The following AGBL1 variants were observed in gnomAD, a reference collection of about 807,000 sequenced individuals.
The protein encoded by AGBL1 is AGBL carboxypeptidase 1.
In AGBL1, 130 loss-of-function variants were observed where a neutral mutation model predicts 118.9. The observed-to-expected ratio is 1.09, with a 90% CI of 0.95 to 1.26. The LOEUF is 1.26. Among genes scored for constraint, AGBL1 ranks in the 50% most tolerant of loss-of-function variants. The probability of loss-of-function intolerance (pLI) is 0.00; values close to 1 mark genes in which losing one functional copy is unlikely to be tolerated. For synonymous variants in AGBL1, 555 were observed against 478.9 expected (o/e 1.16, Z -2.08); for missense variants, 1,584 against 1,298.1 (o/e 1.22, Z -3.38).
intron 22 of AGBL1, among the ~76,000 whole-genome samples, chr15:86,709,884 C>T (rs1313469114): frequency 2.0e-5 from 3 of 152,180 alleles, no homozygotes; most frequent in South Asian, 2.1e-4. Flanking sequence ...ACTAAATCTC[C>T]TAATTGCTAT....
intron 18 of AGBL1, among the ~76,000 whole-genome samples, chr15:86,474,405 C>G (rs962408329): frequency 6.6e-6 from 1 of 152,210 alleles, no homozygotes; most frequent in African/African-American, 2.4e-5. Flanking sequence ...ATGGTCTTAG[C>G]AAGTGGCACA....
intron 5 of AGBL1, among the ~76,000 whole-genome samples, chr15:86,190,075 G>A (rs2077695184): frequency 6.6e-6 from 1 of 152,094 alleles, no homozygotes; most frequent in East Asian, 1.9e-4. Context: ...ATGTCTCAAA[G>A]GACTAAAAGA....
chr15:86,827,415 A>ACG (rs2079034868), intron 22 of AGBL1, among the ~76,000 whole-genome samples: 3 of 8,078 alleles, frequency 3.7e-4, no homozygotes, highest in Admixed American at 2.5e-3. Flanking sequence ...ATATGTGTAT[A>ACG]TATATATATA....
intron 16 of AGBL1, among the ~76,000 whole-genome samples, chr15:86,289,326 C>T (rs2079507842): frequency 6.6e-6 from 1 of 152,100 alleles, no homozygotes; most frequent in Admixed American, 6.6e-5. Context: ...TGTGGACCAT[C>T]ATTTCTTTCA....
At chr15:86,768,996 G>T (rs1403012823) in intron 22 of AGBL1, among the ~76,000 whole-genome samples, 1 of 151,966 alleles carries the variant, frequency 6.6e-6, no homozygotes, top group African/African-American at 2.4e-5. Context: ...CCCTGGGTTA[G>T]AGACAAAGAC....
intron 21 of AGBL1, among the ~76,000 whole-genome samples, chr15:86,644,717 G>A (rs2142477746): frequency 6.6e-6 from 1 of 151,996 alleles, no homozygotes; most frequent in Non-Finnish European, 1.5e-5. Context: ...TACATTAAAG[G>A]AGACGTGGCT....
chr15:86,084,936 A>G lies in AGBL1; in HGVS notation c.51+4913A>G, dbSNP rs557858457. 3.3e-4 allele frequency among the ~76,000 whole-genome samples: 51 copies of G among 152,244 alleles called. No individual in the cohort carries two copies. The East Asian group carries it at 4.8e-3, about 14-fold the overall frequency. On this transcript the variant is annotated intron_variant, in intron 1 of 22. Coordinates refer to ENST00000614907, the MANE Select transcript of AGBL1 (RefSeq NM_001386094.1). ...CTATGTGCTGGAAGAGATGTGTAAAAATGAGAATTATAACCCCTACTTATT... is the reference window on the plus strand; with the variant it reads ...CTATGTGCTGGAAGAGATGTGTAAAGATGAGAATTATAACCCCTACTTATT...
intron 22 of AGBL1, among the ~76,000 whole-genome samples, chr15:86,829,302 T>A (rs773973080): frequency 2.0e-5 from 3 of 152,120 alleles, no homozygotes; most frequent in Non-Finnish European, 2.9e-5. Flanking sequence ...AGAATACTGC[T>A]CCAACTTGGA....
rs150146082 is a variant in AGBL1 at position 86,439,937 on chromosome 15, A to G, written c.2555+42391A>G. Among the ~76,000 whole-genome samples the G allele has an allele frequency of 5.3e-3, 802 of 152,280 alleles. 6 individuals carry two copies. The highest frequency in any genetic ancestry group is 0.018 in the African/African-American group (768 of 41,558). On this transcript the variant is annotated intron_variant, in intron 18 of 22. Coordinates refer to ENST00000614907, the MANE Select transcript of AGBL1 (RefSeq NM_001386094.1). The stretch of plus-strand genomic sequence containing the variant: ...AGTGAGAACGGCCAGAGGGTTCCTG[A>G]AGTGGCCTTCATCAGTACCCTAGCC...
intron 18 of AGBL1, among the ~76,000 whole-genome samples, chr15:86,418,571 T>G (rs2142020059): frequency 6.6e-6 from 1 of 152,304 alleles, no homozygotes; most frequent in African/African-American, 2.4e-5. Flanking sequence ...AGCTCACTGG[T>G]TTCATCTGCC....
chr15:86,956,129 A>G (rs2080927885), intron 23 of AGBL1, among the ~76,000 whole-genome samples: 1 of 152,066 alleles, frequency 6.6e-6, no homozygotes. Flanking sequence ...GAAAATATAT[A>G]AGGAAAAAGT....
chr15:86,645,277 A>G (rs1177562089), intron 21 of AGBL1, among the ~76,000 whole-genome samples: 1 of 152,220 alleles, frequency 6.6e-6, no homozygotes, highest in Non-Finnish European at 1.5e-5. Flanking sequence ...ATACATACAT[A>G]TATACTTGTG....
chr15:86,267,832 C>T (rs2079098056), intron 13 of AGBL1, among the ~76,000 whole-genome samples: 1 of 152,138 alleles, frequency 6.6e-6, no homozygotes, highest in African/African-American at 2.4e-5. Context: ...TATAGGTGAA[C>T]TTCTGAAAAA....
chr15:86,262,078 C>CT lies in AGBL1; in HGVS notation c.970-684dup, dbSNP rs61365024. 2.8e-3 allele frequency among the ~76,000 whole-genome samples: 147 copies of CT among 52,768 alleles called. 37 individuals are homozygous for CT. The highest frequency in any genetic ancestry group is 8.8e-3 in the Admixed American group (27 of 3,080). The allele number at this position is 52,768 out of a possible 152,430, so 34.6% of individuals were successfully genotyped here. A position where few individuals can be genotyped will look rare whatever the true frequency, so the allele number is the denominator to read the frequency against. On this transcript the variant is annotated intron_variant, in intron 9 of 22. Transcript: ENST00000614907. ...CACTGCTAGGCCTATGCATAGCTGG[C>CT]TTTTTTTTTTTTTTTTGCCATTTAG...
At chr15:86,595,215 G>A (rs1378333059) in intron 21 of AGBL1, among the ~76,000 whole-genome samples, 2 of 152,094 alleles carry the variant, frequency 1.3e-5, no homozygotes, top group Non-Finnish European at 2.9e-5. Flanking sequence ...AACTTAAAGT[G>A]TCACCTCTAT....
chr15:86,685,972 G>A (rs1486387825), intron 22 of AGBL1, among the ~76,000 whole-genome samples: 11 of 152,066 alleles, frequency 7.2e-5, no homozygotes, highest in Non-Finnish European at 1.6e-4. Context: ...GGAAATATAT[G>A]TGAAAGTAAG....
At chr15:86,431,171 T>C (rs1266120147) in intron 18 of AGBL1, among the ~76,000 whole-genome samples, 5 of 152,078 alleles carry the variant, frequency 3.3e-5, no homozygotes, top group African/African-American at 1.2e-4. Context: ...TCCCAGAACT[T>C]GGCCTGAAAC....
intron 22 of AGBL1, among the ~76,000 whole-genome samples, chr15:86,863,590 C>G (rs547246968): frequency 6.6e-6 from 1 of 151,660 alleles, no homozygotes; most frequent in African/African-American, 2.4e-5. Flanking sequence ...AGAGAAGTCA[C>G]CATCTCTTGC....
At chr15:86,126,602 C>G (rs1350218587) in intron 1 of AGBL1, among the ~76,000 whole-genome samples, 2 of 152,210 alleles carry the variant, frequency 1.3e-5, no homozygotes, top group South Asian at 2.1e-4. Flanking sequence ...TCCATATACT[C>G]TTATCCATAC....
Sources: allele counts gnomAD v4.1 joint callset (sites outside exome capture counted in the v4.1 genomes callset), GRCh38; gene constraint gnomAD v4.1.1; transcripts MANE v1.5; gene names NCBI Gene and HGNC (gene_info 2026-07-23, HGNC 2026-07-21).